The following RHOBTB3 variants were observed in gnomAD, a reference collection of about 807,000 sequenced individuals.
The protein encoded by RHOBTB3 is Rho related BTB domain containing 3, also known as rho-related BTB domain-containing protein 3.
RHOBTB3 carries 47 observed loss-of-function variants against 67.2 expected under a neutral mutation model. That is an observed-to-expected ratio of 0.70 (90% confidence interval 0.55 to 0.89). The LOEUF is 0.89. Among genes scored for constraint, RHOBTB3 ranks in the 40% least tolerant of loss-of-function variants. RHOBTB3 has a pLI of 0.00. For synonymous variants in RHOBTB3, 273 were observed against 274.2 expected (o/e 1.00, Z 0.04); for missense variants, 631 against 750.0 (o/e 0.84, Z 1.85).
intron 6 of RHOBTB3, among the ~76,000 whole-genome samples, chr5:95,760,093 C>T (rs1168414713): frequency 6.6e-6 from 1 of 152,150 alleles, no homozygotes; most frequent in African/African-American, 2.4e-5. Context: ...ACCTGTTTAA[C>T]AACAGTCCGG....
At chr5:95,718,451 G>A (rs557573424) in intron 1 of RHOBTB3, among the ~76,000 whole-genome samples, 1 of 152,212 alleles carries the variant, frequency 6.6e-6, no homozygotes, top group African/African-American at 2.4e-5. Flanking sequence ...TTAGCTAATT[G>A]TGGGAAGCTG....
chr5:95,729,669 C>T (rs543206939), upstream of RHOBTB3, among the ~76,000 whole-genome samples: 3 of 152,088 alleles, frequency 2.0e-5, no homozygotes, highest in East Asian at 1.9e-4. Flanking sequence ...TGTTGAACAA[C>T]GCCCCCTTTT....
chr5:95,771,681 A>T (rs556109884), intron 8 of RHOBTB3, among the ~76,000 whole-genome samples: 127 of 152,334 alleles, frequency 8.3e-4, no homozygotes, highest in African/African-American at 2.9e-3. Context: ...CAACTTTCAT[A>T]AATTACTCAT....
chr5:95,752,426 T>C, intron 5 of RHOBTB3, 76 bp downstream of exon 5: 1 of 994,318 alleles, frequency 1.0e-6, no homozygotes, highest in Admixed American at 2.3e-5. Context: ...TTAGAGCAAT[T>C]ATTCTCAAAC....
chr5:95,780,484 T>G, intron 9 of RHOBTB3, 59 bp downstream of exon 9: 1 of 1,434,958 alleles, frequency 7.0e-7, no homozygotes, highest in Non-Finnish European at 9.8e-7. Flanking sequence ...CCACCCATTT[T>G]GTTAAATTGC....
intron 1 of RHOBTB3, among the ~76,000 whole-genome samples, chr5:95,723,138 G>C (rs963862555): frequency 6.6e-6 from 1 of 151,770 alleles, no homozygotes; most frequent in African/African-American, 2.4e-5. Context: ...GAATTGTCTT[G>C]GGCCACACAT....
chr5:95,755,657 C>A lies in RHOBTB3; in HGVS notation c.944C>A (p.Pro315Gln), dbSNP rs559872744. The change falls in exon 6 of 12, where the codon CCA becomes CAA. Residue 315 changes from proline to glutamine, a missense_variant. By Grantham distance (76) the Pro-to-Gln change is moderately conservative. Coordinates refer to ENST00000379982, the MANE Select transcript of RHOBTB3 (RefSeq NM_014899.4). ...GCTATAAACAGAGATACTGCATTTC[C>A]AGGTGCTAGCCATGAATCTTCAGGC... ...LFAINRDTAF[P>Q]GASHESSGNP... is the part of the protein sequence containing the mutation. 6.2e-7 allele frequency: 1 copy of A among 1,614,176 alleles called. No individual in the cohort carries two copies. The highest frequency in any genetic ancestry group is 2.2e-5 in the East Asian group (1 of 44,882).
intron 10 of RHOBTB3, among the ~76,000 whole-genome samples, chr5:95,786,465 C>A (rs1056725396): frequency 6.6e-6 from 1 of 152,162 alleles, no homozygotes; most frequent in African/African-American, 2.4e-5. Flanking sequence ...CAGTTCTTTA[C>A]CATGATTTAC....
At chr5:95,756,104 A>G (rs1745239728) in intron 6 of RHOBTB3, 1 of 198,814 alleles carries the variant, frequency 5.0e-6, no homozygotes, top group Admixed American at 5.4e-5. Context: ...ATCCGTGTCC[A>G]TAATTCTTTG....
At chr5:95,728,823 AG>A (rs754799754), upstream of RHOBTB3, among the ~76,000 whole-genome samples, 96 of 152,336 alleles carry the variant, frequency 6.3e-4, no homozygotes, top group Non-Finnish European at 5.0e-4. Flanking sequence ...CTGATAAAAC[AG>A]AATGCCGTAA....
intron 3 of RHOBTB3, among the ~76,000 whole-genome samples, chr5:95,742,280 G>A (rs1013328591): frequency 1.3e-5 from 2 of 151,986 alleles, no homozygotes; most frequent in Admixed American, 1.3e-4. Context: ...TCTGGTATTC[G>A]TATCTCATTT....
intron 6 of RHOBTB3, among the ~76,000 whole-genome samples, chr5:95,761,019 G>A (rs1234884825): frequency 1.3e-5 from 2 of 152,170 alleles, no homozygotes; most frequent in African/African-American, 4.8e-5. Context: ...GATTCTTCCT[G>A]TGTGTGTTCT....
chr5:95,786,289 GTCT>G (rs1197084154), intron 10 of RHOBTB3, among the ~76,000 whole-genome samples: 1 of 152,176 alleles, frequency 6.6e-6, no homozygotes, highest in Non-Finnish European at 1.5e-5. Flanking sequence ...GAGTGAAATT[GTCT>G]TCTGGCAGAA....
intron 8 of RHOBTB3, among the ~76,000 whole-genome samples, chr5:95,771,469 G>A (rs1007301481): frequency 6.6e-6 from 1 of 152,194 alleles, no homozygotes; most frequent in Non-Finnish European, 1.5e-5. Flanking sequence ...TGCAGTGTGA[G>A]CCTGGGACGC....
At chr5:95,762,805 T>G (rs1745431544) in intron 6 of RHOBTB3, among the ~76,000 whole-genome samples, 1 of 152,098 alleles carries the variant, frequency 6.6e-6, no homozygotes, top group African/African-American at 2.4e-5. Context: ...AGAGAAGTCC[T>G]TGGGGAAAAG....
intron 1 of RHOBTB3, among the ~76,000 whole-genome samples, chr5:95,718,271 G>C (rs1754744515): frequency 6.6e-6 from 1 of 152,146 alleles, no homozygotes; most frequent in African/African-American, 2.4e-5. Flanking sequence ...AGAGATAAGA[G>C]TTGAAGACAG....
chr5:95,785,998 TTA>T (rs1342607067), intron 10 of RHOBTB3, among the ~76,000 whole-genome samples: 1 of 152,240 alleles, frequency 6.6e-6, no homozygotes, highest in East Asian at 1.9e-4. Flanking sequence ...GTGATTATCC[TTA>T]TCTTTTCCCC....
At position 95,793,397 on chromosome 5, in the gene RHOBTB3, C is replaced by G. The variant is rs1177484492; in HGVS notation, c.*223C>G. 3.1e-5 allele frequency: 11 copies of G among 358,844 alleles called. No homozygotes were observed. The East Asian group carries it at 5.0e-4, about 16-fold the overall frequency. 22.2% of individuals were successfully genotyped at this position (358,844 alleles called of 1,614,324 possible). A position where few individuals can be genotyped will look rare whatever the true frequency, so the allele number is the denominator to read the frequency against. On this transcript the variant is annotated 3_prime_UTR_variant, in exon 12 of 12. Transcript: ENST00000379982. ...AAACTAAGGCTTTCACTCTAGAATGCAAAGCTGTTTTGCAGCTGTTTTCCC... is the reference window on the plus strand; with the variant it reads ...AAACTAAGGCTTTCACTCTAGAATGGAAAGCTGTTTTGCAGCTGTTTTCCC...
At chr5:95,736,819 T>C (rs1755463461) in intron 2 of RHOBTB3, 70 bp from the exon 3 acceptor site, 7 of 1,030,180 alleles carry the variant, frequency 6.8e-6, no homozygotes, top group East Asian at 2.7e-5. Context: ...CAAAAATTAA[T>C]GTCATAAATT....
Sources: gnomAD v4.1 joint callset for allele counts (sites outside exome capture counted in the v4.1 genomes callset) on GRCh38, gnomAD v4.1.1 for gene constraint, MANE v1.5 for transcripts, NCBI Gene and HGNC (gene_info 2026-07-23, HGNC 2026-07-21) for gene names.